SLC37A3: variants seen among roughly 807,000 people sequenced by gnomAD.
SLC37A3 encodes the protein solute carrier family 37 member 3.
In SLC37A3, 51 loss-of-function variants were observed where a neutral mutation model predicts 67.1. That is an observed-to-expected ratio of 0.76 (90% CI 0.61 to 0.96). The LOEUF is 0.96. SLC37A3 is among the 40% of genes least tolerant of loss of function. The pLI, the probability that SLC37A3 is intolerant of heterozygous loss-of-function variation, is 0.00. For synonymous variants in SLC37A3, 214 were observed against 231.4 expected, an observed-to-expected ratio of 0.92 and a Z score of 0.68; for missense variants, 508 against 603.0, an observed-to-expected ratio of 0.84 and a Z score of 1.65.
chr7:140,374,934 C>T (rs1356059833), intron 3 of SLC37A3, among the ~76,000 whole-genome samples: 3 of 151,922 alleles, frequency 2.0e-5, no homozygotes, highest in African/African-American at 7.3e-5. Context: ...TATCATGAGG[C>T]CAGGAGTTTG....
At chr7:140,351,894 G>A in intron 8 of SLC37A3, 168 bp downstream of exon 8, 2 of 739,940 alleles carry the variant, frequency 2.7e-6, no homozygotes, top group Non-Finnish European at 2.4e-6. Flanking sequence ...TGTGCCAGGG[G>A]CTGGCTACAA....
chr7:140,374,351 A>C (rs977457366), intron 3 of SLC37A3, among the ~76,000 whole-genome samples: 1 of 152,054 alleles, frequency 6.6e-6, no homozygotes, highest in Non-Finnish European at 1.5e-5. Flanking sequence ...TACAAAAACT[A>C]GCCGGGCGTG....
chr7:140,355,736 C>A lies in SLC37A3; in HGVS notation c.550G>T (p.Ala184Ser). The A allele has an allele frequency of 6.2e-7, 1 of 1,613,908 alleles. No individual in the cohort carries two copies. The highest frequency in any genetic ancestry group is 8.5e-7 in the Non-Finnish European group (1 of 1,179,908). The change falls in exon 7 of 15, where the codon GCC becomes TCC. Residue 184 changes from alanine to serine, a missense_variant. By Grantham distance (99) the Ala-to-Ser change is moderately conservative. Transcript: ENST00000326232. ...GRGVVFGLWS[A>S]CASVGNILGA... ...AAAATGTTGCCCACCGAAGCACAGG[C>A]ACTCCAGAGACCAAAAACAACTCCT...
At chr7:140,378,567 C>A (rs1798120082) in intron 3 of SLC37A3, among the ~76,000 whole-genome samples, 1 of 152,016 alleles carries the variant, frequency 6.6e-6, no homozygotes, top group Admixed American at 6.6e-5. Flanking sequence ...GAAACCCTGT[C>A]TCTACCTAAA....
rs112987671 is a variant in SLC37A3, at chr7:140,351,221, G to C, written c.882+52C>G. 22 of 1,547,048 alleles carry C rather than the reference G, an allele frequency of 1.4e-5. 1 individual carries two copies. The African/African-American group carries it at 1.6e-4, about 12-fold the overall frequency. On this transcript the variant is annotated intron_variant, in intron 9 of 14. Coordinates refer to ENST00000326232, the MANE Select transcript of SLC37A3 (RefSeq NM_207113.3). ...AAGCTTTATCTCAGGCAGAGGAGAT[G>C]TCACGGGCTCTCATACCTCCCTGGC... is the stretch of plus-strand genomic sequence containing the variant.
At chr7:140,363,740 C>CAAAAAAA (rs71170980) in intron 5 of SLC37A3, among the ~76,000 whole-genome samples, 13 of 107,862 alleles carry the variant, frequency 1.2e-4, no homozygotes, top group Non-Finnish European at 1.8e-4. Flanking sequence ...AACTCCGCCT[C>CAAAAAAA]AAAAAAAAAA....
rs201121236 is a variant in SLC37A3 at position 140,364,448 on chromosome 7, C to G, written c.335G>C (p.Arg112Pro). Residue 112 changes from arginine (R) to proline (P), a missense_variant, in exon 5 of 15, where the codon CGA (arginine) becomes CCA (proline). Transcript: ENST00000326232. The part of the protein sequence containing the change: ...SGIVGDRLNL[R>P]WVLSFGMCSS... Reference sequence around the variant, plus strand: ...GCACATGCCAAAAGACAGAACCCATCGCAAATTCAACCGATCCCCAACGAT... The same window carrying G: ...GCACATGCCAAAAGACAGAACCCATGGCAAATTCAACCGATCCCCAACGAT... The G allele has an allele frequency of 2.5e-6, 4 of 1,613,854 alleles. No individual in the cohort carries two copies. The highest frequency in any genetic ancestry group is 3.4e-6 in the Non-Finnish European group (4 of 1,179,982).
intron 6 of SLC37A3, 74 bp downstream of exon 6, chr7:140,358,566 A>G: frequency 6.3e-7 from 1 of 1,595,252 alleles, no homozygotes; most frequent in South Asian, 1.1e-5. Context: ...AAAGTAACTG[A>G]CTTTGACAAG....
chr7:140,355,732 CA>C lies in SLC37A3; in HGVS notation c.553del (p.Cys185ValfsTer12). 2.5e-6 allele frequency: 4 copies of C among 1,613,934 alleles called. No homozygotes were observed. The highest frequency in any genetic ancestry group is 3.4e-6 in the Non-Finnish European group (4 of 1,179,928). On this transcript the variant is annotated frameshift_variant, in exon 7 of 15. Coordinates refer to ENST00000326232, the MANE Select transcript of SLC37A3 (RefSeq NM_207113.3). LOFTEE classifies it high-confidence loss of function. ...TCCCAAAATGTTGCCCACCGAAGCA[CA>C]GGCACTCCAGAGACCAAAAACAACT... ...RGVVFGLWSA[C>X]ASVGNILGAC... is the part of the protein sequence containing the mutation.
intron 1 of SLC37A3, among the ~76,000 whole-genome samples, chr7:140,397,297 G>A (rs1405387510): frequency 6.7e-6 from 1 of 150,336 alleles, no homozygotes. Flanking sequence ...AGGTTCAAGC[G>A]ATTCTCCTGC....
At chr7:140,361,613 G>A (rs1462550805) in intron 5 of SLC37A3, among the ~76,000 whole-genome samples, 1 of 146,960 alleles carries the variant, frequency 6.8e-6, no homozygotes, top group Non-Finnish European at 1.5e-5. Context: ...AAGCTGGACG[G>A]TACTGCTGCC....
In SLC37A3 at chr7:140,343,570, T is replaced by C. The variant is rs961775987; in HGVS notation, c.1175-7A>G. 2 of 1,613,236 alleles carry C rather than the reference T, an allele frequency of 1.2e-6. No individual in the cohort carries two copies. The highest frequency in any genetic ancestry group is 1.7e-6 in the Non-Finnish European group (2 of 1,179,498). ...GGTCCACCAATAAAAAATCCTGAAGTCATAAACAGGTTCTTATTAAAACAC... is the reference window on the plus strand; with the variant it reads ...GGTCCACCAATAAAAAATCCTGAAGCCATAAACAGGTTCTTATTAAAACAC... On this transcript the variant is annotated splice_polypyrimidine_tract_variant and splice_region_variant and intron_variant, in intron 12 of 14. Coordinates refer to ENST00000326232, the MANE Select transcript of SLC37A3 (RefSeq NM_207113.3).
At chr7:140,396,872 C>G (rs796294520) in intron 1 of SLC37A3, among the ~76,000 whole-genome samples, 4 of 146,456 alleles carry the variant, frequency 2.7e-5, no homozygotes, top group African/African-American at 1.0e-4. Context: ...TTCTCTGAAT[C>G]TCAATTTCTG....
At chr7:140,348,462 C>CTTTTTTTTTTTTTTTTTTTTT (rs66700092) in intron 10 of SLC37A3, 164 bp downstream of exon 10, 1 of 350,174 alleles carries the variant, frequency 2.9e-6, no homozygotes, top group Non-Finnish European at 4.3e-6. Context: ...CTTTTCTTTT[C>CTTTTTTTTTTTTTTTTTTTTT]TTTTTTTTTT....
Position 140,334,567 on chromosome 7 carries a change from A to T in SLC37A3, c.*845T>A, listed in dbSNP as rs754124631. 6.6e-6 allele frequency: 1 copy of T among 152,616 alleles called. No individual in the cohort carries two copies. The highest frequency in any genetic ancestry group is 1.5e-5 in the Non-Finnish European group (1 of 68,062). 9.5% of individuals were successfully genotyped at this position (152,616 alleles called of 1,614,324 possible). A position where few individuals can be genotyped will look rare whatever the true frequency, so the allele number is the denominator to read the frequency against. On this transcript the variant is annotated 3_prime_UTR_variant, in exon 15 of 15. Coordinates refer to ENST00000326232, the MANE Select transcript of SLC37A3 (RefSeq NM_207113.3). Reference sequence around the variant, plus strand: ...CCTAGAGGATCCTAAGTTCCCAGACAACAAATCTGGGATGGAGTGCTTCGG... The same window carrying T: ...CCTAGAGGATCCTAAGTTCCCAGACTACAAATCTGGGATGGAGTGCTTCGG...
intron 5 of SLC37A3, among the ~76,000 whole-genome samples, chr7:140,363,740 C>CAAAA (rs71170980): frequency 9.1e-4 from 98 of 107,822 alleles, no homozygotes; most frequent in African/African-American, 1.2e-3. Context: ...AACTCCGCCT[C>CAAAA]AAAAAAAAAA....
At chr7:140,355,544 G>T in intron 7 of SLC37A3, 124 bp downstream of exon 7, 1 of 876,404 alleles carries the variant, frequency 1.1e-6, no homozygotes, top group Non-Finnish European at 1.8e-6. Flanking sequence ...TACAAGCCTT[G>T]CCCTATCCAG....
Position 140,345,202 on chromosome 7 carries a change from G to A in SLC37A3, c.1174+14C>T. The A allele has an allele frequency of 6.2e-7, 1 of 1,610,584 alleles. No individual in the cohort carries two copies. Among genetic ancestry groups the A allele is most frequent in the Non-Finnish European group, 8.5e-7 (1 of 1,176,940 alleles). ...AGCAACAGAAGCATGGTGGAGCAGA[G>A]CCATGTGCCGTACCTGTAACAGTCA... On this transcript the variant is annotated intron_variant, in intron 12 of 14. Coordinates refer to ENST00000326232, the MANE Select transcript of SLC37A3 (RefSeq NM_207113.3).
chr7:140,382,458 C>T lies in SLC37A3; in HGVS notation c.69G>A (p.Val23=). ...LSQFSHHHVV[V]FLLTFFSYSL... ...CTTACCTGAAGAAAGTGAGCAGGAA[C>T]ACTACAACATGATGATGGCTGAACT... Residue 23 remains valine, a synonymous_variant, in exon 2 of 15, where the codon GTG becomes GTA. Transcript: ENST00000326232. 6.2e-7 allele frequency: 1 copy of T among 1,614,066 alleles called. No individual in the cohort carries two copies. Among genetic ancestry groups the T allele is most frequent in the African/African-American group, 1.3e-5 (1 of 75,036 alleles).
Sources: allele counts gnomAD v4.1 joint callset (sites outside exome capture counted in the v4.1 genomes callset), GRCh38; gene constraint gnomAD v4.1.1; transcripts MANE v1.5; gene names NCBI Gene and HGNC (gene_info 2026-07-23, HGNC 2026-07-21).